Variants in CUX2 observed in about 807,000 individuals in gnomAD.
The protein encoded by CUX2 is cut like homeobox 2, also known as homeobox protein cut-like 2.
A neutral mutation model predicts 144.8 loss-of-function variants in CUX2; 40 were observed. The observed-to-expected ratio is 0.28, with a 90% CI of 0.21 to 0.36. CUX2 has a LOEUF of 0.36. Ranked by LOEUF, CUX2 falls within the 10% of genes least tolerant of loss-of-function variation. CUX2 has a pLI of 1.00. For synonymous variants in CUX2, 827 were observed against 875.6 expected (o/e 0.94, Z 0.98); for missense variants, 1,615 against 1,994.0 (o/e 0.81, Z 3.62).
At position 111,310,939 on chromosome 12, in the gene CUX2, C is replaced by T. The variant is rs567672215; in HGVS notation, c.1900+257C>T. On this transcript the variant is annotated intron_variant, in intron 15 of 21. Transcript: ENST00000261726. This position sits in a 1 kb window ranked among gnomAD's most constrained non-coding sequence, Gnocchi z 7.9. Reference sequence around the variant, plus strand: ...CCTGGGGCACTCAGGGTAAGGGTGGCGGGAAAAGGCTCCAGGCGCTGCCCT... The same window carrying T: ...CCTGGGGCACTCAGGGTAAGGGTGGTGGGAAAAGGCTCCAGGCGCTGCCCT... Among the ~76,000 whole-genome samples the T allele has an allele frequency of 6.8e-4, 103 of 152,346 alleles. No individual in the cohort carries two copies. Among genetic ancestry groups the T allele is most frequent in the African/African-American group, 2.1e-3 (86 of 41,586 alleles).
At chr12:111,187,800 G>T (rs1879640674) in intron 1 of CUX2, among the ~76,000 whole-genome samples, 1 of 152,154 alleles carries the variant, frequency 6.6e-6, no homozygotes, top group Non-Finnish European at 1.5e-5. Flanking sequence ...GCTGGCTTTG[G>T]CCCACAGATG....
intron 1 of CUX2, among the ~76,000 whole-genome samples, chr12:111,152,730 G>A (rs1219515074): frequency 2.0e-5 from 3 of 152,230 alleles, no homozygotes; most frequent in Non-Finnish European, 4.4e-5. Flanking sequence ...AGTAGAACTC[G>A]CAACGCCTTG....
At chr12:111,062,357 G>A (rs939862678) in intron 1 of CUX2, among the ~76,000 whole-genome samples, 4 of 152,190 alleles carry the variant, frequency 2.6e-5, no homozygotes, top group Non-Finnish European at 5.9e-5. Context: ...ATATTTATCC[G>A]GGGCTTGTAC....
At chr12:111,038,710 C>G (rs180683543) in intron 1 of CUX2, among the ~76,000 whole-genome samples, 7 of 152,378 alleles carry the variant, frequency 4.6e-5, no homozygotes, top group Admixed American at 4.6e-4. Context: ...AAAACGGGCT[C>G]TCTCTTTGAA....
intron 4 of CUX2, among the ~76,000 whole-genome samples, chr12:111,282,292 A>T (rs1175312962): frequency 1.3e-5 from 2 of 149,502 alleles, no homozygotes; most frequent in Non-Finnish European, 3.0e-5. Context: ...ACTGCACTCC[A>T]GCCTGGGCGA....
At chr12:111,174,533 C>A (rs1878731687) in intron 1 of CUX2, among the ~76,000 whole-genome samples, 2 of 152,202 alleles carry the variant, frequency 1.3e-5, no homozygotes, top group African/African-American at 4.8e-5. Flanking sequence ...ACTAGCTGGC[C>A]AAAAGCACGG....
intron 1 of CUX2, among the ~76,000 whole-genome samples, chr12:111,103,061 A>G (rs1203265330): frequency 6.6e-6 from 1 of 152,206 alleles, no homozygotes; most frequent in Non-Finnish European, 1.5e-5. Flanking sequence ...TTTCCTGCCT[A>G]GAGGGGACAC....
chr12:111,173,329 C>G (rs966187158), intron 1 of CUX2, among the ~76,000 whole-genome samples: 6 of 152,222 alleles, frequency 3.9e-5, no homozygotes, highest in Non-Finnish European at 8.8e-5. Context: ...CAGGGTTGAT[C>G]TGTGGGCTGG....
chr12:111,313,515 G>A (rs1337118456), intron 16 of CUX2, among the ~76,000 whole-genome samples: 9 of 151,660 alleles, frequency 5.9e-5, no homozygotes, highest in Admixed American at 2.0e-4. Flanking sequence ...GGTGGCGCAC[G>A]CCTGTAATCC....
chr12:111,100,209 G>T (rs1873131911), intron 1 of CUX2: 2 of 367,746 alleles, frequency 5.4e-6, no homozygotes, highest in Non-Finnish European at 1.1e-5. Context: ...GTGTATGTGT[G>T]TGTGTGCTTG....
chr12:111,307,849 G>A lies in CUX2; in HGVS notation c.1110-436G>A, dbSNP rs1886669392. Among the ~76,000 whole-genome samples the A allele has an allele frequency of 6.6e-6, 1 of 152,142 alleles. No individual in the cohort carries two copies. On this transcript the variant is annotated intron_variant, in intron 12 of 21. Coordinates refer to ENST00000261726, the MANE Select transcript of CUX2 (RefSeq NM_015267.4). The surrounding 1 kb of genome is among the most constrained non-coding windows in gnomAD (Gnocchi z 4.1). ...AATACAGAAATTAGCCAGGTGTGGT[G>A]GCGCTCACCTGTAGTCCCAGCTACT...
At chr12:111,093,462 G>A (rs991635643) in intron 1 of CUX2, among the ~76,000 whole-genome samples, 3 of 151,636 alleles carry the variant, frequency 2.0e-5, no homozygotes, top group Non-Finnish European at 4.4e-5. Context: ...TTTTATAATA[G>A]ACAAGCCTCG....
chr12:111,164,652 T>C (rs1878010548), intron 1 of CUX2, among the ~76,000 whole-genome samples: 1 of 151,642 alleles, frequency 6.6e-6, no homozygotes, highest in Non-Finnish European at 1.5e-5. Flanking sequence ...TCCACACAAA[T>C]TGGATCAGCC....
rs78199806 is a variant in CUX2 at position 111,039,092 on chromosome 12, G to A, written c.63+4852G>A. 0.024 allele frequency among the ~76,000 whole-genome samples: 3,635 copies of A among 152,198 alleles called. 160 individuals are homozygous for A. Among genetic ancestry groups the A allele is most frequent in the African/African-American group, 0.084 (3,475 of 41,518 alleles). On this transcript the variant is annotated intron_variant, in intron 1 of 21. Transcript: ENST00000261726. This position sits in a 1 kb window ranked among gnomAD's most constrained non-coding sequence, Gnocchi z 4.2. ...GGCTAGTGCTAAATATATGGTCCTG[G>A]ATGATGGTAGACAAGGCTGCCCAGA...
Position 111,348,165 on chromosome 12 carries a change from G to A in CUX2, c.4301G>A (p.Ser1434Asn), listed in dbSNP as rs762524911. The A allele has an allele frequency of 1.9e-6, 3 of 1,613,988 alleles. No individual in the cohort carries two copies. Among genetic ancestry groups the A allele is most frequent in the East Asian group, 4.5e-5 (2 of 44,858 alleles). The change falls in exon 22 of 22, where the codon AGT becomes AAT. Residue 1434 changes from serine to asparagine, a missense_variant. By Grantham distance (46) the Ser-to-Asn change is conservative (BLOSUM62 1). Coordinates refer to ENST00000261726, the MANE Select transcript of CUX2 (RefSeq NM_015267.4). The part of the protein sequence containing the change: ...PPGAPPAKVP[S>N]ASPTADMAGA... ...GGCGCCCCCCCTGCCAAAGTGCCGA[G>A]TGCCAGCCCCACTGCTGACATGGCT...
chr12:111,101,332 A>G (rs985629441), intron 1 of CUX2, among the ~76,000 whole-genome samples: 1 of 152,064 alleles, frequency 6.6e-6, no homozygotes, highest in Non-Finnish European at 1.5e-5. Context: ...TGGCCACACC[A>G]CAGCAGCCCT....
At chr12:111,335,027 C>T (rs1888286575) in intron 19 of CUX2, among the ~76,000 whole-genome samples, 1 of 151,678 alleles carries the variant, frequency 6.6e-6, no homozygotes, top group Non-Finnish European at 1.5e-5. Flanking sequence ...CCCAGGAGTT[C>T]AAGGCTGCAG....
At chr12:111,116,827 A>G (rs1021227056) in intron 1 of CUX2, among the ~76,000 whole-genome samples, 1 of 152,234 alleles carries the variant, frequency 6.6e-6, no homozygotes, top group Admixed American at 6.5e-5. Flanking sequence ...AATTTCCTCC[A>G]ACAATAATAG....
chr12:111,142,075 C>A (rs61037265), intron 1 of CUX2, among the ~76,000 whole-genome samples: 5,766 of 152,068 alleles, frequency 0.038, 360 homozygotes, highest in African/African-American at 0.13. Flanking sequence ...CAGAGTGAGA[C>A]TCCATCTCAA....
Sources: allele counts gnomAD v4.1 joint callset (sites outside exome capture counted in the v4.1 genomes callset), GRCh38; gene constraint gnomAD v4.1.1; non-coding constraint Gnocchi (gnomAD v3.1); transcripts MANE v1.5; gene names NCBI Gene and HGNC (gene_info 2026-07-23, HGNC 2026-07-21).